GRIP1: variants seen among roughly 807,000 people sequenced by gnomAD.
GRIP1 encodes glutamate receptor-interacting protein 1.
In GRIP1, 45 loss-of-function variants were observed where a neutral mutation model predicts 129.9. The observed-to-expected ratio is 0.35, with a 90% confidence interval of 0.27 to 0.44. The LOEUF (loss-of-function observed/expected upper bound fraction) is 0.44, where lower values mean the gene tolerates loss of function less well. GRIP1 is among the 20% of genes least tolerant of loss of function. The pLI is 1.00. For synonymous variants in GRIP1, 530 were observed against 520.8 expected (o/e 1.02, Z -0.24); for missense variants, 1,196 against 1,396.8 (o/e 0.86, Z 2.29).
At chr12:66,569,348 G>T (rs1305360519) in intron 2 of GRIP1, among the ~76,000 whole-genome samples, 1 of 152,118 alleles carries the variant, frequency 6.6e-6, no homozygotes, top group Non-Finnish European at 1.5e-5. Flanking sequence ...GCGGTGGCAG[G>T]CGCCTGCAAT....
At chr12:66,611,778 G>T (rs997140883) in intron 1 of GRIP1, among the ~76,000 whole-genome samples, 1 of 130,696 alleles carries the variant, frequency 7.7e-6, no homozygotes, top group African/African-American at 2.9e-5. Context: ...TGTGAGAGAA[G>T]GCAATTCTTT....
chr12:66,485,518 T>C (rs2138611963), intron 7 of GRIP1, among the ~76,000 whole-genome samples: 1 of 152,046 alleles, frequency 6.6e-6, no homozygotes. Flanking sequence ...AAATATACTT[T>C]CCTCCCTCTA....
At chr12:67,033,054 G>A (rs1184174503) in intron 1 of GRIP1, among the ~76,000 whole-genome samples, 1 of 151,982 alleles carries the variant, frequency 6.6e-6, no homozygotes, top group Non-Finnish European at 1.5e-5. Flanking sequence ...ATAGCAATAT[G>A]TGGCTAGTAG....
intron 1 of GRIP1, among the ~76,000 whole-genome samples, chr12:66,721,212 C>T (rs933766221): frequency 3.9e-5 from 6 of 151,990 alleles, no homozygotes; most frequent in Admixed American, 2.0e-4. Flanking sequence ...GAGCAGATCT[C>T]GACAATGATC....
At chr12:66,443,041 T>C (rs1041628484) in intron 13 of GRIP1, among the ~76,000 whole-genome samples, 1 of 152,234 alleles carries the variant, frequency 6.6e-6, no homozygotes, top group African/African-American at 2.4e-5. Flanking sequence ...TCTTTACTAA[T>C]TGGTAAGGGT....
intron 1 of GRIP1, among the ~76,000 whole-genome samples, chr12:66,609,962 A>G (rs1203191820): frequency 6.6e-6 from 1 of 152,098 alleles, no homozygotes; most frequent in Non-Finnish European, 1.5e-5. Context: ...ATGATAACTG[A>G]AATTTTCTCT....
At chr12:66,687,012 G>T (rs750247442) in intron 1 of GRIP1, among the ~76,000 whole-genome samples, 2 of 152,148 alleles carry the variant, frequency 1.3e-5, no homozygotes, top group African/African-American at 2.4e-5. Flanking sequence ...AGTGAACCAT[G>T]ATTGTGCCAC....
intron 1 of GRIP1, among the ~76,000 whole-genome samples, chr12:66,630,657 C>G (rs1264846562): frequency 6.6e-6 from 1 of 152,162 alleles, no homozygotes; most frequent in Admixed American, 6.5e-5. Context: ...TCTATGAGGG[C>G]ATGGACATGA....
chr12:66,924,302 G>T (rs77777286), intron 1 of GRIP1, among the ~76,000 whole-genome samples: 10,696 of 152,234 alleles, frequency 0.07, 530 homozygotes, highest in East Asian at 0.18. Context: ...CTGGCACACA[G>T]TGGGCACATA....
At chr12:66,822,032 G>GTGTGTA (rs2039330595) in intron 1 of GRIP1, among the ~76,000 whole-genome samples, 1 of 151,386 alleles carries the variant, frequency 6.6e-6, no homozygotes, top group Non-Finnish European at 1.5e-5. Flanking sequence ...GTATGTGTAT[G>GTGTGTA]TGTGTATGTG....
At chr12:66,489,947 G>A (rs750448619) in intron 7 of GRIP1, among the ~76,000 whole-genome samples, 11 of 152,060 alleles carry the variant, frequency 7.2e-5, no homozygotes, top group Non-Finnish European at 1.5e-4. Context: ...TCTTTAAGGA[G>A]CATTACAAAC....
intron 1 of GRIP1, among the ~76,000 whole-genome samples, chr12:66,737,789 T>C (rs2036654582): frequency 6.6e-6 from 1 of 152,180 alleles, no homozygotes. Flanking sequence ...TGCCAGGTGT[T>C]ATGTTCGACA....
At chr12:66,717,216 T>C (rs1188709821) in intron 1 of GRIP1, among the ~76,000 whole-genome samples, 2 of 152,150 alleles carry the variant, frequency 1.3e-5, no homozygotes, top group Non-Finnish European at 2.9e-5. Context: ...TTATTTTTCT[T>C]GAATTTTGTA....
At chr12:66,521,761 G>C (rs968685708) in intron 5 of GRIP1, among the ~76,000 whole-genome samples, 4 of 152,346 alleles carry the variant, frequency 2.6e-5, no homozygotes, top group East Asian at 1.9e-4. Context: ...GTCAAAGAAA[G>C]GGGTGACAGA....
intron 2 of GRIP1, among the ~76,000 whole-genome samples, chr12:66,591,446 A>G (rs12314237): frequency 0.25 from 37,932 of 151,904 alleles, 4,858 homozygotes; most frequent in Admixed American, 0.28. Context: ...GGGACAGCCC[A>G]ACTGAGAAGC....
intron 1 of GRIP1, among the ~76,000 whole-genome samples, chr12:66,986,749 A>G (rs1227614463): frequency 6.7e-6 from 1 of 149,412 alleles, no homozygotes; most frequent in Non-Finnish European, 1.5e-5. Context: ...TAATGGGTAC[A>G]GCACACCAGC....
intron 1 of GRIP1, among the ~76,000 whole-genome samples, chr12:66,717,553 C>G (rs1032119390): frequency 6.6e-6 from 1 of 152,108 alleles, no homozygotes; most frequent in Non-Finnish European, 1.5e-5. Flanking sequence ...TCTTGTCATG[C>G]TCTGTCATTA....
At chr12:66,960,003 A>C (rs1378354076) in intron 1 of GRIP1, among the ~76,000 whole-genome samples, 1 of 152,168 alleles carries the variant, frequency 6.6e-6, no homozygotes, top group East Asian at 1.9e-4. Flanking sequence ...GTAACTGGGA[A>C]TATTCTAGTC....
chr12:66,801,976 A>G (rs11176428), intron 1 of GRIP1, among the ~76,000 whole-genome samples: 2,876 of 152,240 alleles, frequency 0.019, 108 homozygotes, highest in African/African-American at 0.066. Context: ...GAATGCAACC[A>G]TATTACCCAT....
Sources: allele counts gnomAD v4.1 joint callset (sites outside exome capture counted in the v4.1 genomes callset), GRCh38; gene constraint gnomAD v4.1.1; transcripts MANE v1.5; gene names NCBI Gene and HGNC (gene_info 2026-07-23, HGNC 2026-07-21).